Variants in GPN1 observed in about 807,000 individuals in gnomAD.
GPN1 encodes the protein GPN-loop GTPase 1.
Under a neutral mutation model 55.9 loss-of-function variants are expected in GPN1, and 44 were observed. The observed-to-expected ratio is 0.79, with a 90% CI of 0.62 to 1.01. The LOEUF is 1.01. Ranked by LOEUF, GPN1 falls within the 50% of genes least tolerant of loss-of-function variation. The pLI, the probability that GPN1 is intolerant of heterozygous loss-of-function variation, is 0.00. For synonymous variants in GPN1, 179 were observed against 162.5 expected (o/e 1.10, Z -0.77); for missense variants, 466 against 462.8 (o/e 1.01, Z -0.06).
chr2:27,635,788 G>C (rs1217552405), intron 7 of GPN1, among the ~76,000 whole-genome samples: 2 of 151,956 alleles, frequency 1.3e-5, no homozygotes, highest in Admixed American at 1.3e-4. Flanking sequence ...CTGCACTCCG[G>C]CTTGGGGCAA....
intron 10 of GPN1, among the ~76,000 whole-genome samples, chr2:27,640,504 A>G (rs955162793): frequency 3.3e-5 from 5 of 152,256 alleles, no homozygotes; most frequent in African/African-American, 1.2e-4. Context: ...AGTGTTACAG[A>G]AAAACATTTA....
intron 7 of GPN1, among the ~76,000 whole-genome samples, chr2:27,635,875 T>C (rs1207857479): frequency 6.6e-6 from 1 of 152,136 alleles, no homozygotes; most frequent in East Asian, 1.9e-4. Context: ...AGTGAAATTG[T>C]AACATGAGGA....
chr2:27,637,423 T>A (rs1467319855), intron 7 of GPN1, among the ~76,000 whole-genome samples: 1 of 152,156 alleles, frequency 6.6e-6, no homozygotes, highest in Non-Finnish European at 1.5e-5. Context: ...CTATGTTGTT[T>A]AAGGGTCAAC....
chr2:27,641,656 C>T lies in GPN1; in HGVS notation c.840+377C>T, dbSNP rs547547961. On this transcript the variant is annotated intron_variant, in intron 11 of 13. Coordinates refer to ENST00000610189, the MANE Select transcript of GPN1 (RefSeq NM_007266.4). ...TCACCCATGCCAGAGTGCAGTGGCA[C>T]GATCGCGGCTCACTGCAGCCTCGAC... 2.6e-3 allele frequency among the ~76,000 whole-genome samples: 403 copies of T among 152,286 alleles called. 1 individual carries two copies. Among genetic ancestry groups the T allele is most frequent in the Non-Finnish European group, 4.0e-3 (273 of 68,034 alleles).
intron 12 of GPN1, among the ~76,000 whole-genome samples, chr2:27,646,918 C>G (rs1161878418): frequency 6.6e-6 from 1 of 151,718 alleles, no homozygotes; most frequent in Non-Finnish European, 1.5e-5. Context: ...GTGCCACAGT[C>G]CTTTAGAATC....
chr2:27,634,798 C>T (rs1673668704), intron 5 of GPN1, 48 bp from the exon 6 acceptor site: 1 of 1,022,498 alleles, frequency 9.8e-7, no homozygotes, highest in South Asian at 1.3e-5. Context: ...GAATATCCTT[C>T]AGCATAACAC....
chr2:27,629,089 C>G lies in GPN1; in HGVS notation c.31C>G (p.Gln11Glu). The change falls in exon 1 of 14, where the codon CAG becomes GAG. Residue 11 changes from glutamine (Q) to glutamate (E), a missense_variant. Gln to Glu is a conservative substitution (Grantham distance 29, BLOSUM62 2). Coordinates refer to ENST00000610189, the MANE Select transcript of GPN1 (RefSeq NM_007266.4). ...GGCGTCCGCAGCTGCCGCTGAGCTCCAGGCTTCTGGGGGTCCGCGGCACCC... is the reference window on the plus strand; with the variant it reads ...GGCGTCCGCAGCTGCCGCTGAGCTCGAGGCTTCTGGGGGTCCGCGGCACCC... The part of the protein sequence containing the change: MAASAAAAEL[Q>E]ASGGPRHPVC... The G allele has an allele frequency of 6.2e-7, 1 of 1,614,240 alleles. No individual in the cohort carries two copies.
chr2:27,636,385 T>C (rs1020490726), intron 7 of GPN1, among the ~76,000 whole-genome samples: 1 of 152,228 alleles, frequency 6.6e-6, no homozygotes, highest in African/African-American at 2.4e-5. Context: ...TTGTCTTTTC[T>C]GATATGACAA....
chr2:27,632,793 G>GA (rs916788680), intron 5 of GPN1, 123 bp downstream of exon 5: 486 of 652,796 alleles, frequency 7.4e-4, no homozygotes, highest in South Asian at 1.8e-3. Context: ...CATTAGGAGT[G>GA]AAAAAAAAAT....
At chr2:27,646,809 C>A (rs1674255772) in intron 12 of GPN1, among the ~76,000 whole-genome samples, 1 of 151,758 alleles carries the variant, frequency 6.6e-6, no homozygotes. Context: ...TGCTCTATAT[C>A]TAGTAGAGAA....
In GPN1 at chr2:27,629,147, C is replaced by T. The variant is rs1323710729; in HGVS notation, c.89C>T (p.Ser30Phe). The T allele has an allele frequency of 6.2e-7, 1 of 1,614,182 alleles. No homozygotes were observed. The change falls in exon 1 of 14, where the codon TCC (serine) becomes TTC (phenylalanine). Residue 30 changes from serine (S) to phenylalanine (F), a missense_variant. Ser to Phe is a radical substitution (Grantham distance 155). Coordinates refer to ENST00000610189, the MANE Select transcript of GPN1 (RefSeq NM_007266.4). ...VCLLVLGMAG[S>F]GKTTFVQRLT... Reference sequence around the variant, plus strand: ...CTGTTGGTGTTGGGAATGGCGGGATCCGGGAAAACCACTTTTGTACAGGTG... The same window carrying T: ...CTGTTGGTGTTGGGAATGGCGGGATTCGGGAAAACCACTTTTGTACAGGTG...
intron 7 of GPN1, 66 bp downstream of exon 7, chr2:27,635,300 C>CTTTTTTTTTTTTT (rs57185039): frequency 1.5e-4 from 78 of 523,066 alleles, no homozygotes; most frequent in African/African-American, 9.3e-4. Context: ...TCTTCTTCCT[C>CTTTTTTTTTTTTT]TTTTTTTTTT....
chr2:27,629,387 C>A, intron 1 of GPN1: 1 of 1,550,980 alleles, frequency 6.4e-7, no homozygotes, highest in Non-Finnish European at 8.7e-7. Context: ...CATACTCGGT[C>A]CAGCTTACCA....
Position 27,629,090 on chromosome 2 carries a change from A to G in GPN1, c.32A>G (p.Gln11Arg), listed in dbSNP as rs768572610. ...GCGTCCGCAGCTGCCGCTGAGCTCC[A>G]GGCTTCTGGGGGTCCGCGGCACCCA... MAASAAAAELQASGGPRHPVC... is the reference protein window; with the variant it reads MAASAAAAELRASGGPRHPVC... The change falls in exon 1 of 14, where the codon CAG becomes CGG. Residue 11 changes from glutamine (Q) to arginine (R), a missense_variant. Physicochemically the swap from Gln to Arg is conservative, Grantham distance 43 (BLOSUM62 1). Transcript: ENST00000610189. The G allele has an allele frequency of 2.5e-6, 4 of 1,614,218 alleles. No individual in the cohort carries two copies. Among genetic ancestry groups the G allele is most frequent in the East Asian group, 2.2e-5 (1 of 44,876 alleles).
chr2:27,630,668 C>A (rs1318366057), intron 2 of GPN1, among the ~76,000 whole-genome samples: 1 of 152,112 alleles, frequency 6.6e-6, no homozygotes, highest in Admixed American at 6.5e-5. Flanking sequence ...CCCAGCCTAA[C>A]TCCTTTTAAA....
chr2:27,631,385 A>G, intron 3 of GPN1: 1 of 446,002 alleles, frequency 2.2e-6, no homozygotes, highest in African/African-American at 2.0e-5. Flanking sequence ...AGACTGGGAA[A>G]CTCAGAAATG....
intron 10 of GPN1, 120 bp downstream of exon 10, chr2:27,640,245 A>T: frequency 4.0e-6 from 3 of 756,644 alleles, no homozygotes; most frequent in Non-Finnish European, 7.0e-6. Context: ...TTTGGTTTGC[A>T]TATGTGTATT....
chr2:27,648,271 C>G (rs966754115), intron 13 of GPN1, among the ~76,000 whole-genome samples: 20 of 152,088 alleles, frequency 1.3e-4, no homozygotes, highest in Non-Finnish European at 1.5e-4. Context: ...TGTAATCCCA[C>G]TGCTTTGGGA....
chr2:27,632,746 C>A, intron 5 of GPN1, 76 bp downstream of exon 5: 1 of 951,740 alleles, frequency 1.1e-6, no homozygotes, highest in Non-Finnish European at 1.7e-6. Context: ...ATCTGGGATA[C>A]CATCAGCCTC....
Sources: allele counts gnomAD v4.1 joint callset (sites outside exome capture counted in the v4.1 genomes callset), GRCh38; gene constraint gnomAD v4.1.1; transcripts MANE v1.5; gene names NCBI Gene and HGNC (gene_info 2026-07-23, HGNC 2026-07-21).